The following FBXL7 variants were observed in gnomAD, a reference collection of about 807,000 sequenced individuals.
FBXL7 encodes the protein F-box and leucine rich repeat protein 7, also known as F-box/LRR-repeat protein 7.
A neutral mutation model predicts 38.3 loss-of-function variants in FBXL7; 12 were observed. That is an observed-to-expected ratio of 0.31 (90% CI 0.20 to 0.51). FBXL7 has a LOEUF of 0.51. Ranked by LOEUF, FBXL7 falls within the 20% of genes least tolerant of loss-of-function variation. FBXL7 has a pLI of 0.98. For synonymous variants in FBXL7, 297 were observed against 300.9 expected, an observed-to-expected ratio of 0.99 and a Z score of 0.13; for missense variants, 567 against 676.4, an observed-to-expected ratio of 0.84 and a Z score of 1.79.
intron 1 of FBXL7, chr5:15,501,436 G>T: frequency 3.0e-6 from 3 of 985,534 alleles, no homozygotes; most frequent in Non-Finnish European, 3.6e-6. Context: ...CTCCCACTCT[G>T]CATAAAACCG....
At chr5:15,692,827 G>C (rs1015403169) in intron 2 of FBXL7, among the ~76,000 whole-genome samples, 4 of 152,190 alleles carry the variant, frequency 2.6e-5, no homozygotes, top group Non-Finnish European at 4.4e-5. Flanking sequence ...GCTGAAAACA[G>C]ATGTAAGAAG....
intron 2 of FBXL7, among the ~76,000 whole-genome samples, chr5:15,622,288 T>G (rs1427506961): frequency 6.6e-6 from 1 of 151,242 alleles, no homozygotes; most frequent in Non-Finnish European, 1.5e-5. Flanking sequence ...ATTTATTTAT[T>G]TATATATTTT....
intron 2 of FBXL7, among the ~76,000 whole-genome samples, chr5:15,677,307 TA>T (rs919900547): frequency 9.9e-5 from 15 of 152,020 alleles, no homozygotes; most frequent in Admixed American, 5.2e-4. Flanking sequence ...CTGTCTCTAC[TA>T]AAACAAAAAT....
At chr5:15,712,380 G>A (rs1743903751) in intron 2 of FBXL7, among the ~76,000 whole-genome samples, 1 of 148,746 alleles carries the variant, frequency 6.7e-6, no homozygotes, top group South Asian at 2.1e-4. Context: ...TAAAACGACA[G>A]CAACAATACC....
intron 2 of FBXL7, among the ~76,000 whole-genome samples, chr5:15,644,982 G>T (rs569316032): frequency 6.6e-6 from 1 of 152,214 alleles, no homozygotes; most frequent in Admixed American, 6.5e-5. Context: ...TTCCTTGCTT[G>T]TATGTTGACT....
At chr5:15,682,932 C>A (rs1478876225) in intron 2 of FBXL7, among the ~76,000 whole-genome samples, 2 of 152,224 alleles carry the variant, frequency 1.3e-5, no homozygotes, top group African/African-American at 4.8e-5. Flanking sequence ...ATGCAATCAC[C>A]TGTTCTCATT....
At chr5:15,849,018 C>T (rs566476841) in intron 2 of FBXL7, among the ~76,000 whole-genome samples, 3 of 152,292 alleles carry the variant, frequency 2.0e-5, no homozygotes, top group South Asian at 2.1e-4. Flanking sequence ...GTGTTCTTAG[C>T]GCTTAATGTA....
intron 1 of FBXL7, among the ~76,000 whole-genome samples, chr5:15,520,238 C>T (rs1012143058): frequency 2.0e-5 from 3 of 152,078 alleles, no homozygotes; most frequent in Admixed American, 6.5e-5. Context: ...TATCTTGTGG[C>T]GACCTCCTGT....
At chr5:15,567,015 T>C (rs114494332) in intron 1 of FBXL7, among the ~76,000 whole-genome samples, 2 of 152,282 alleles carry the variant, frequency 1.3e-5, no homozygotes, top group African/African-American at 4.8e-5. Context: ...GATGTGCATC[T>C]ACTACTGCTC....
chr5:15,921,894 T>G (rs1163937584), intron 2 of FBXL7, among the ~76,000 whole-genome samples: 1 of 152,158 alleles, frequency 6.6e-6, no homozygotes, highest in East Asian at 1.9e-4. Flanking sequence ...TCTAGATTGT[T>G]GCAACCATTA....
At chr5:15,853,070 TAAGG>T (rs1739148915) in intron 2 of FBXL7, among the ~76,000 whole-genome samples, 1 of 152,180 alleles carries the variant, frequency 6.6e-6, no homozygotes, top group Non-Finnish European at 1.5e-5. Context: ...AGTTTACAAA[TAAGG>T]AAGGTGAAGC....
At chr5:15,637,897 C>T (rs184125329) in intron 2 of FBXL7, among the ~76,000 whole-genome samples, 2 of 152,218 alleles carry the variant, frequency 1.3e-5, no homozygotes, top group East Asian at 3.9e-4. Flanking sequence ...CAAGTGTGGA[C>T]CAATCACAAT....
intron 2 of FBXL7, among the ~76,000 whole-genome samples, chr5:15,733,793 A>G (rs531119275): frequency 2.6e-5 from 4 of 152,318 alleles, no homozygotes; most frequent in South Asian, 2.1e-4. Flanking sequence ...AATTTTAACA[A>G]TAGTTTTATT....
chr5:15,539,826 T>G (rs1186659814), intron 1 of FBXL7, among the ~76,000 whole-genome samples: 1 of 152,016 alleles, frequency 6.6e-6, no homozygotes, highest in African/African-American at 2.4e-5. Flanking sequence ...AAAACTCTTT[T>G]TAAAAATTCT....
At position 15,583,132 on chromosome 5, in the gene FBXL7, G is replaced by C. The variant is rs142551399; in HGVS notation, c.38-32851G>C. 4.3e-3 allele frequency among the ~76,000 whole-genome samples: 647 copies of C among 152,218 alleles called. 4 individuals are homozygous for C. Among genetic ancestry groups the C allele is most frequent in the African/African-American group, 0.015 (612 of 41,528 alleles). ...GTCTTACATGGTGGCAGGTGAGAGA[G>C]AGCAGGGGAAACTGCCACTTATAAA... On this transcript the variant is annotated intron_variant, in intron 1 of 3. Coordinates refer to ENST00000504595, the MANE Select transcript of FBXL7 (RefSeq NM_012304.5).
At chr5:15,588,982 G>A (rs1422671872) in intron 1 of FBXL7, among the ~76,000 whole-genome samples, 2 of 152,142 alleles carry the variant, frequency 1.3e-5, no homozygotes, top group Admixed American at 6.5e-5. Flanking sequence ...GTGAGCTACT[G>A]TGGATCACAG....
intron 2 of FBXL7, among the ~76,000 whole-genome samples, chr5:15,927,468 C>A (rs1260169982): frequency 6.6e-6 from 1 of 152,078 alleles, no homozygotes; most frequent in African/African-American, 2.4e-5. Context: ...TGAATGTTTT[C>A]TCTAAGAAAG....
chr5:15,673,340 A>T (rs1188375134), intron 2 of FBXL7, among the ~76,000 whole-genome samples: 1 of 152,082 alleles, frequency 6.6e-6, no homozygotes. Flanking sequence ...AAGAAAAAAA[A>T]CCATTGAAGT....
chr5:15,734,117 A>G (rs1579418311), intron 2 of FBXL7, among the ~76,000 whole-genome samples: 1 of 11,576 alleles, frequency 8.6e-5, no homozygotes, highest in East Asian at 0.01. Flanking sequence ...TGGGTCTCAA[A>G]AAAAAAAAAA....
Sources: gnomAD v4.1 joint callset for allele counts (sites outside exome capture counted in the v4.1 genomes callset) on GRCh38, gnomAD v4.1.1 for gene constraint, MANE v1.5 for transcripts, NCBI Gene and HGNC (gene_info 2026-07-23, HGNC 2026-07-21) for gene names.